Variants in PBX1 observed in about 807,000 individuals in gnomAD.
PBX1 encodes pre-B-cell leukemia transcription factor 1.
In PBX1, 6 loss-of-function variants were observed where a neutral mutation model predicts 53.4. The observed-to-expected ratio is 0.11, with a 90% CI of 0.06 to 0.22. PBX1 has a LOEUF of 0.22. PBX1 is among the 10% of genes least tolerant of loss of function. The pLI is 1.00. For missense variants in PBX1, 251 were observed against 551.4 expected (o/e 0.46, Z 5.46); for synonymous variants, 204 against 212.3 (o/e 0.96, Z 0.34).
At chr1:164,811,341 C>A (rs1669601611) in intron 5 of PBX1, among the ~76,000 whole-genome samples, 1 of 152,122 alleles carries the variant, frequency 6.6e-6, no homozygotes. Flanking sequence ...TGTCTGCTGG[C>A]TTTAACATTT....
At chr1:164,581,644 A>G (rs1168237575) in intron 2 of PBX1, among the ~76,000 whole-genome samples, 2 of 152,314 alleles carry the variant, frequency 1.3e-5, no homozygotes, top group East Asian at 1.9e-4. Context: ...GAAGCTGTTC[A>G]TATCACCCCA....
At chr1:164,702,423 A>G (rs1405672896) in intron 2 of PBX1, among the ~76,000 whole-genome samples, 1 of 152,152 alleles carries the variant, frequency 6.6e-6, no homozygotes, top group African/African-American at 2.4e-5. Context: ...TAGAACTGCT[A>G]TGTTTATAGA....
chr1:164,711,133 C>G (rs191248664), intron 2 of PBX1, among the ~76,000 whole-genome samples: 2 of 152,166 alleles, frequency 1.3e-5, no homozygotes, highest in Non-Finnish European at 2.9e-5. Flanking sequence ...ATACATCACC[C>G]TATGAAAGAA....
At chr1:164,865,963 C>A (rs1269721966) in intron 2 of PBX1, among the ~76,000 whole-genome samples, 4 of 151,978 alleles carry the variant, frequency 2.6e-5, no homozygotes, top group African/African-American at 9.7e-5. Context: ...ATGACAAGTC[C>A]CTGCACTTTC....
intron 2 of PBX1, among the ~76,000 whole-genome samples, chr1:164,655,294 G>T (rs1355872722): frequency 2.6e-5 from 4 of 151,968 alleles, no homozygotes; most frequent in Non-Finnish European, 4.4e-5. Context: ...TGTACTTTTA[G>T]TAGAGACGGG....
intron 2 of PBX1, among the ~76,000 whole-genome samples, chr1:164,655,100 G>GTTTTTT (rs35954587): frequency 5.0e-5 from 7 of 138,818 alleles, no homozygotes; most frequent in Admixed American, 2.1e-4. Flanking sequence ...TCTGATGTGT[G>GTTTTTT]TTTTTTTTTT....
intron 2 of PBX1, among the ~76,000 whole-genome samples, chr1:164,619,585 G>A (rs1486537967): frequency 6.6e-6 from 1 of 152,102 alleles, no homozygotes. Flanking sequence ...CTAAGTACTC[G>A]CCTTGACCAC....
chr1:164,833,209 CA>C (rs750416275), intron 8 of PBX1, among the ~76,000 whole-genome samples: 2 of 149,130 alleles, frequency 1.3e-5, no homozygotes, highest in Non-Finnish European at 3.0e-5. Flanking sequence ...AAAACAAAAA[CA>C]AAAAAAAACA....
intron 2 of PBX1, among the ~76,000 whole-genome samples, chr1:164,754,176 C>T (rs1362253405): frequency 6.6e-6 from 1 of 152,144 alleles, no homozygotes; most frequent in African/African-American, 2.4e-5. Context: ...TGGACGGGAA[C>T]TCAGACCCAT....
chr1:164,775,063 C>A (rs772636696), intron 2 of PBX1, among the ~76,000 whole-genome samples: 1 of 152,140 alleles, frequency 6.6e-6, no homozygotes, highest in Non-Finnish European at 1.5e-5. Context: ...TTCGCTACAC[C>A]GAGGAAGCTC....
At chr1:164,735,379 A>G (rs1208251068) in intron 2 of PBX1, among the ~76,000 whole-genome samples, 1 of 152,172 alleles carries the variant, frequency 6.6e-6, no homozygotes, top group African/African-American at 2.4e-5. Flanking sequence ...GTCTGTGCCT[A>G]CATGTATGTG....
chr1:164,745,977 G>A (rs993238933), intron 2 of PBX1, among the ~76,000 whole-genome samples: 1 of 152,176 alleles, frequency 6.6e-6, no homozygotes, highest in Non-Finnish European at 1.5e-5. Flanking sequence ...TGATCAAACA[G>A]TCACTGACCT....
chr1:164,695,665 G>A (rs1256576494), intron 2 of PBX1, among the ~76,000 whole-genome samples: 1 of 152,198 alleles, frequency 6.6e-6, no homozygotes, highest in Non-Finnish European at 1.5e-5. Context: ...GTAAGTTAAT[G>A]CCTTTTCATG....
rs75789929 is a variant in PBX1, at chr1:164,560,335, T to G, written c.191+322T>G. On this transcript the variant is annotated intron_variant, in intron 1 of 8. Coordinates refer to ENST00000420696, the MANE Select transcript of PBX1 (RefSeq NM_002585.4). ...TGATCCAAAAGCGGCCCTCGGCACT[T>G]TTTACTGCTTTAAAAAAGTATCAGA... 2,757 of 398,396 alleles carry G rather than the reference T, an allele frequency of 6.9e-3. 69 individuals carry two copies. The highest frequency in any genetic ancestry group is 0.052 in the African/African-American group (2,540 of 48,684). 24.7% of individuals were successfully genotyped at this position (398,396 alleles called of 1,614,324 possible).
intron 2 of PBX1, among the ~76,000 whole-genome samples, chr1:164,568,467 T>C (rs1476469843): frequency 1.3e-5 from 2 of 152,154 alleles, no homozygotes; most frequent in Non-Finnish European, 2.9e-5. Context: ...TAACCTGATT[T>C]GGAGGAATAT....
At chr1:164,879,521 T>C (rs1318378019) in intron 2 of PBX1, among the ~76,000 whole-genome samples, 1 of 152,142 alleles carries the variant, frequency 6.6e-6, no homozygotes, top group Non-Finnish European at 1.5e-5. Context: ...ACAGAAGATC[T>C]AAGTGGAAAC....
rs1005616651 is a variant in PBX1 at position 164,681,481 on chromosome 1, A to G, written c.266-111013A>G. On this transcript the variant is annotated intron_variant, in intron 2 of 8. Coordinates refer to ENST00000420696, the MANE Select transcript of PBX1 (RefSeq NM_002585.4). ...TTTGATATATTAAGATATTAATTTCAAGGTTAATTATAGCCTCCTCTTAGA... is the reference window on the plus strand; with the variant it reads ...TTTGATATATTAAGATATTAATTTCGAGGTTAATTATAGCCTCCTCTTAGA... 1.4e-4 allele frequency among the ~76,000 whole-genome samples: 21 copies of G among 152,320 alleles called. 1 individual carries two copies. The highest frequency in any genetic ancestry group is 4.8e-4 in the African/African-American group (20 of 41,574).
intron 2 of PBX1, among the ~76,000 whole-genome samples, chr1:164,711,274 C>CT (rs1053298961): frequency 3.9e-5 from 6 of 152,066 alleles, no homozygotes; most frequent in Admixed American, 1.3e-4. Flanking sequence ...CTTCTCTTTT[C>CT]TTTTTTTGAA....
chr1:164,800,928 C>T (rs1220008404), intron 4 of PBX1, among the ~76,000 whole-genome samples: 1 of 152,098 alleles, frequency 6.6e-6, no homozygotes, highest in Non-Finnish European at 1.5e-5. Flanking sequence ...ATTTATTACT[C>T]CTCTTGAATT....
Sources: allele counts gnomAD v4.1 joint callset (sites outside exome capture counted in the v4.1 genomes callset), GRCh38; gene constraint gnomAD v4.1.1; transcripts MANE v1.5; gene names NCBI Gene and HGNC (gene_info 2026-07-23, HGNC 2026-07-21).